Variants in NPAS2 observed in about 807,000 individuals in gnomAD.
The protein encoded by NPAS2 is neuronal PAS domain-containing protein 2.
A neutral mutation model predicts 107.5 loss-of-function variants in NPAS2; 23 were observed. That is an observed-to-expected ratio of 0.21 (90% CI 0.15 to 0.30). NPAS2 has a LOEUF of 0.30. Ranked by LOEUF, NPAS2 falls within the 10% of genes least tolerant of loss-of-function variation. The pLI, the probability that NPAS2 is intolerant of heterozygous loss-of-function variation, is 1.00. For synonymous variants in NPAS2, 403 were observed against 417.5 expected (o/e 0.97, Z 0.42); for missense variants, 756 against 1,043.3 (o/e 0.72, Z 3.79).
chr2:100,876,440 ATCTG>A (rs1679974681), intron 1 of NPAS2, among the ~76,000 whole-genome samples: 1 of 152,238 alleles, frequency 6.6e-6, no homozygotes, highest in African/African-American at 2.4e-5. Context: ...AGAACGAGGT[ATCTG>A]TCTCTTCCTT....
intron 15 of NPAS2, among the ~76,000 whole-genome samples, chr2:100,981,363 G>A (rs1336040752): frequency 6.6e-6 from 1 of 152,154 alleles, no homozygotes; most frequent in Non-Finnish European, 1.5e-5. Flanking sequence ...TCAAGATATG[G>A]GAGTCATAGC....
At chr2:100,821,185 C>T (rs1452742132) in intron 1 of NPAS2, 3 of 1,304,174 alleles carry the variant, frequency 2.3e-6, no homozygotes, top group African/African-American at 3.0e-5. Flanking sequence ...GCTTGCCACT[C>T]CTTAATTGCT....
chr2:100,965,064 A>C lies in NPAS2; in HGVS notation c.800+121A>C. 1 of 629,974 alleles carries C rather than the reference A, an allele frequency of 1.6e-6. No homozygotes were observed. The highest frequency in any genetic ancestry group is 2.6e-6 in the Non-Finnish European group (1 of 382,334). 39.0% of individuals were successfully genotyped at this position (629,974 alleles called of 1,614,324 possible). A position where few individuals can be genotyped will look rare whatever the true frequency, so the allele number is the denominator to read the frequency against. On this transcript the variant is annotated intron_variant, in intron 9 of 20. Transcript: ENST00000335681. This position sits in a 1 kb window ranked among gnomAD's most constrained non-coding sequence, Gnocchi z 4.3. ...CATTGAAAGAGGAGGACTCTCTGGC[A>C]CTAGGAAAAGTCGTCCCTGCCAAGG... is the stretch of plus-strand genomic sequence containing the variant.
intron 1 of NPAS2, among the ~76,000 whole-genome samples, chr2:100,881,162 C>T (rs1435456231): frequency 1.3e-5 from 2 of 152,218 alleles, no homozygotes; most frequent in Admixed American, 6.5e-5. Flanking sequence ...AACAGATGAC[C>T]TTTTGTGTCC....
At chr2:100,943,956 C>A (rs1173263154) in intron 5 of NPAS2, among the ~76,000 whole-genome samples, 2 of 152,156 alleles carry the variant, frequency 1.3e-5, no homozygotes, top group Non-Finnish European at 2.9e-5. Flanking sequence ...TACCTTTCCC[C>A]CTTTTTTAGG....
At chr2:100,893,745 C>T (rs1367647560) in intron 1 of NPAS2, among the ~76,000 whole-genome samples, 4 of 152,180 alleles carry the variant, frequency 2.6e-5, no homozygotes, top group African/African-American at 9.7e-5. Context: ...AACCTGTTTT[C>T]GTAAATAAAG....
intron 1 of NPAS2, among the ~76,000 whole-genome samples, chr2:100,870,609 G>T (rs1043047588): frequency 6.6e-6 from 1 of 152,038 alleles, no homozygotes; most frequent in African/African-American, 2.4e-5. Flanking sequence ...TGCCCAGGCT[G>T]GTCTCAAACT....
intron 5 of NPAS2, among the ~76,000 whole-genome samples, chr2:100,946,311 AG>A (rs1674893720): frequency 6.6e-6 from 1 of 152,128 alleles, no homozygotes; most frequent in Admixed American, 6.5e-5. Flanking sequence ...TGTCCCATCA[AG>A]GGGGTCATTG....
At chr2:100,824,700 T>A (rs1036232103) in intron 1 of NPAS2, among the ~76,000 whole-genome samples, 1 of 152,214 alleles carries the variant, frequency 6.6e-6, no homozygotes, top group Admixed American at 6.5e-5. Flanking sequence ...CACCCTGATA[T>A]TAGGAGGGGT....
At chr2:100,937,716 A>G (rs1684418005) in intron 4 of NPAS2, 37 bp from the exon 5 acceptor site, 8 of 1,473,502 alleles carry the variant, frequency 5.4e-6, no homozygotes, top group East Asian at 2.3e-5. Context: ...CCATAAACGC[A>G]TTGCTAAGGA....
intron 7 of NPAS2, among the ~76,000 whole-genome samples, chr2:100,961,489 C>T (rs899467526): frequency 3.3e-5 from 5 of 152,204 alleles, no homozygotes; most frequent in African/African-American, 9.6e-5. Context: ...GAAGTTGCCC[C>T]GTTCTGGACA....
chr2:100,829,496 C>T (rs1219848475), intron 1 of NPAS2, among the ~76,000 whole-genome samples: 1 of 152,122 alleles, frequency 6.6e-6, no homozygotes, highest in African/African-American at 2.4e-5. Context: ...AATTTTTGCA[C>T]ATTGATTTTG....
chr2:100,887,910 T>C (rs1484637650), intron 1 of NPAS2, among the ~76,000 whole-genome samples: 1 of 152,234 alleles, frequency 6.6e-6, no homozygotes, highest in Non-Finnish European at 1.5e-5. Context: ...ACTTTTCTTG[T>C]TTGCCCACAG....
intron 14 of NPAS2, chr2:100,975,835 G>A: frequency 2.7e-6 from 1 of 369,526 alleles, no homozygotes; most frequent in Non-Finnish European, 4.9e-6. Flanking sequence ...CAAACCCGGG[G>A]TCATACCCTC....
At chr2:100,959,591 C>G (rs1675803599) in intron 7 of NPAS2, among the ~76,000 whole-genome samples, 1 of 152,190 alleles carries the variant, frequency 6.6e-6, no homozygotes, top group Admixed American at 6.5e-5. Context: ...TTATTTTCCC[C>G]TCAACATTCC....
intron 2 of NPAS2, among the ~76,000 whole-genome samples, chr2:100,913,609 A>C (rs954819035): frequency 1.3e-5 from 2 of 152,304 alleles, no homozygotes; most frequent in East Asian, 3.9e-4. Flanking sequence ...ATTAAAAGGA[A>C]GAGCTTCCTA....
intron 17 of NPAS2, chr2:100,989,346 C>CAGGAACTT (rs1417376353): frequency 6.6e-6 from 1 of 152,256 alleles, no homozygotes; most frequent in East Asian, 1.9e-4. Context: ...CAGTACAATA[C>CAGGAACTT]AGATAAACAC....
chr2:100,978,203 T>G (rs573981393), intron 15 of NPAS2, among the ~76,000 whole-genome samples: 10 of 152,314 alleles, frequency 6.6e-5, no homozygotes, highest in African/African-American at 2.4e-4. Context: ...TTCATTCTTA[T>G]GCCTTTGTGA....
Position 100,943,580 on chromosome 2 carries a change from CAG to C in NPAS2, c.364-4654_364-4653del, listed in dbSNP as rs1674711487. Reference sequence around the variant, plus strand: ...ACTCACAGCCCAGATGAGGACCACACAGGGCCACAGGGGGCTGCACGTGGGAA... The same window carrying C: ...ACTCACAGCCCAGATGAGGACCACACGGCCACAGGGGGCTGCACGTGGGAA... On this transcript the variant is annotated intron_variant, in intron 5 of 20. Transcript: ENST00000335681. 2.0e-5 allele frequency among the ~76,000 whole-genome samples: 3 copies of C among 152,224 alleles called. 1 individual carries two copies. In the East Asian group the frequency reaches 5.8e-4, roughly 29 times the overall value.
Sources: gnomAD v4.1 joint callset for allele counts (sites outside exome capture counted in the v4.1 genomes callset) on GRCh38, gnomAD v4.1.1 for gene constraint, Gnocchi (gnomAD v3.1) non-coding constraint, MANE v1.5 for transcripts, NCBI Gene and HGNC (gene_info 2026-07-23, HGNC 2026-07-21) for gene names.